The following GFER variants were observed in gnomAD, a reference collection of about 807,000 sequenced individuals.
GFER encodes the protein FAD-linked sulfhydryl oxidase ALR.
GFER carries 24 observed loss-of-function variants against 18.2 expected under a neutral mutation model. That is an observed-to-expected ratio of 1.32 (90% confidence interval 0.96 to 1.86). The LOEUF (loss-of-function observed/expected upper bound fraction) is 1.86. Among genes scored for constraint, GFER ranks in the 40% most tolerant of loss-of-function variants. The pLI is 0.00. For missense variants in GFER, 316 were observed against 295.6 expected, an observed-to-expected ratio of 1.07 and a Z score of -0.51; for synonymous variants, 138 against 126.9, an observed-to-expected ratio of 1.09 and a Z score of -0.59.
Position 1,985,866 on chromosome 16 carries a change from G to A in GFER, c.456G>A (p.Arg152=). Residue 152 remains arginine, a splice_region_variant and synonymous_variant, in exon 3 of 3, where the codon AGG becomes AGA. Coordinates refer to ENST00000248114, the MANE Select transcript of GFER (RefSeq NM_005262.3). The stretch of plus-strand genomic sequence containing the variant: ...TTCTTTACCTGCTCTCCCTACACAG[G>A]CTGTGCAGGAACCACCCAGACACCC... ...CEECAEDLRK[R]LCRNHPDTRT... 6.2e-7 allele frequency: 1 copy of A among 1,610,966 alleles called. No individual in the cohort carries two copies. The highest frequency in any genetic ancestry group is 8.5e-7 in the Non-Finnish European group (1 of 1,179,168).
At position 1,984,956 on chromosome 16, in the gene GFER, T is replaced by G; in HGVS notation, c.455+13T>G. The G allele has an allele frequency of 6.3e-7, 1 of 1,596,706 alleles. No homozygotes were observed. Among genetic ancestry groups the G allele is most frequent in the East Asian group, 2.2e-5 (1 of 44,790 alleles). On this transcript the variant is annotated intron_variant, in intron 2 of 2. Transcript: ENST00000248114. ...ACCTAAGAAAAAGGTAAGATGTGTT[T>G]GCACGCAGCAGAGCTTTGCACTGGA...
Position 1,986,123 on chromosome 16 carries a change from T to C in GFER, c.*95T>C. On this transcript the variant is annotated 3_prime_UTR_variant, in exon 3 of 3. Coordinates refer to ENST00000248114, the MANE Select transcript of GFER (RefSeq NM_005262.3). The stretch of plus-strand genomic sequence containing the variant: ...AGTGCATCACAGCCAGAGCCTGTTG[T>C]GTCTCAGTTGGGTGGTCCCCAGGAC... The C allele has an allele frequency of 7.5e-7, 1 of 1,325,442 alleles. No homozygotes were observed. The highest frequency in any genetic ancestry group is 1.1e-6 in the Non-Finnish European group (1 of 934,092). The allele number at this position is 1,325,442 out of a possible 1,614,324, so 82.1% of individuals were successfully genotyped here.
At position 1,984,232 on chromosome 16, in the gene GFER, G is replaced by A; in HGVS notation, c.14G>A (p.Gly5Asp). The change falls in exon 1 of 3, where the codon GGC (glycine) becomes GAC (aspartate). Residue 5 changes from glycine to aspartate, a missense_variant. Coordinates refer to ENST00000248114, the MANE Select transcript of GFER (RefSeq NM_005262.3). ...TGCGCGGGCAACATGGCGGCGCCCG[G>A]CGAGCGGGGCCGCTTCCACGGCGGG... The part of the protein sequence containing the change: MAAP[G>D]ERGRFHGGNL... 6.8e-7 allele frequency: 1 copy of A among 1,474,506 alleles called. No homozygotes were observed. The highest frequency in any genetic ancestry group is 8.9e-7 in the Non-Finnish European group (1 of 1,119,554). 91.3% of individuals were successfully genotyped at this position (1,474,506 alleles called of 1,614,324 possible).
At position 1,985,969 on chromosome 16, in the gene GFER, G is replaced by C; in HGVS notation, c.559G>C (p.Asp187His). ...CCGCAAGCTGGGCAAGCCTGACTTC[G>C]ACTGCTCAAAAGTGGATGAGCGCTG... ...VNRKLGKPDF[D>H]CSKVDERWRD... The change falls in exon 3 of 3, where the codon GAC becomes CAC. Residue 187 changes from aspartate (D) to histidine (H), a missense_variant. Asp to His is a moderately conservative substitution (Grantham distance 81, BLOSUM62 -1). Transcript: ENST00000248114. 6.2e-7 allele frequency: 1 copy of C among 1,613,118 alleles called. No individual in the cohort carries two copies. Among genetic ancestry groups the C allele is most frequent in the Non-Finnish European group, 8.5e-7 (1 of 1,180,012 alleles).
rs987009140 is a variant in GFER, at chr16:1,984,638, C to T, written c.259-109C>T. The T allele has an allele frequency of 3.4e-5, 47 of 1,372,970 alleles. No individual in the cohort carries two copies. In the African/African-American group the frequency reaches 6.0e-4, roughly 17 times the overall value. The allele number at this position is 1,372,970 out of a possible 1,614,324, so 85.0% of individuals were successfully genotyped here. A position where few individuals can be genotyped will look rare whatever the true frequency, so the allele number is the denominator to read the frequency against. On this transcript the variant is annotated intron_variant, in intron 1 of 2. Transcript: ENST00000248114. ...ATCCGCGCGTGGGTTGGATCGTCTG[C>T]AGGACTTTGGCCGGAGTCCAGTGGG...
At chr16:1,985,625 C>A (rs953426763) in intron 2 of GFER, among the ~76,000 whole-genome samples, 1 of 152,206 alleles carries the variant, frequency 6.6e-6, no homozygotes, top group South Asian at 2.1e-4. Context: ...TGCCTTGAGG[C>A]CTCGTTGGAG....
In GFER at chr16:1,986,430, A is replaced by C; in HGVS notation, c.*402A>C. 2.9e-6 allele frequency: 1 copy of C among 350,498 alleles called. No homozygotes were observed. The highest frequency in any genetic ancestry group is 5.6e-6 in the Non-Finnish European group (1 of 178,266). 21.7% of individuals were successfully genotyped at this position (350,498 alleles called of 1,614,324 possible). On this transcript the variant is annotated 3_prime_UTR_variant, in exon 3 of 3. Coordinates refer to ENST00000248114, the MANE Select transcript of GFER (RefSeq NM_005262.3). Reference sequence around the variant, plus strand: ...GCGGCCAGGCCATTGCCTTCCCACTATGCAGCCAGGGATGCCCCTGCCCCC... The same window carrying C: ...GCGGCCAGGCCATTGCCTTCCCACTCTGCAGCCAGGGATGCCCCTGCCCCC...
In GFER at chr16:1,986,354, C is replaced by T. The variant is rs2083567618; in HGVS notation, c.*326C>T. ...CACCGCATACCCTGGCGCCTCACTCCTCACACGGGAAGACAGCGGGCCTGG... is the reference window on the plus strand; with the variant it reads ...CACCGCATACCCTGGCGCCTCACTCTTCACACGGGAAGACAGCGGGCCTGG... On this transcript the variant is annotated 3_prime_UTR_variant, in exon 3 of 3. Transcript: ENST00000248114. 1 of 392,690 alleles carries T rather than the reference C, an allele frequency of 2.5e-6. No homozygotes were observed. Among genetic ancestry groups the T allele is most frequent in the South Asian group, 2.1e-5 (1 of 47,912 alleles). The allele number at this position is 392,690 out of a possible 1,614,324, so 24.3% of individuals were successfully genotyped here.
chr16:1,984,635 C>T, intron 1 of GFER, 112 bp from the exon 2 acceptor site: 3 of 1,372,714 alleles, frequency 2.2e-6, no homozygotes, highest in Middle Eastern at 1.8e-4. Flanking sequence ...GTTGGATCGT[C>T]TGCAGGACTT....
Position 1,986,584 on chromosome 16 carries a change from C to G in GFER, c.*556C>G, listed in dbSNP as rs2150896045. The G allele has an allele frequency of 5.1e-6, 1 of 197,294 alleles. No individual in the cohort carries two copies. The highest frequency in any genetic ancestry group is 1.2e-4 in the East Asian group (1 of 8,460). 12.2% of individuals were successfully genotyped at this position (197,294 alleles called of 1,614,324 possible). On this transcript the variant is annotated 3_prime_UTR_variant, in exon 3 of 3. Transcript: ENST00000248114. ...TACCCTCTCCCTGCCTGGCACATGC[C>G]TGCCAGCGTTGTGTCATGCCTGTCC...
rs1325319408 is a variant in GFER at position 1,984,374 on chromosome 16, C to T, written c.156C>T (p.Ala52=). 4 of 1,530,612 alleles carry T rather than the reference C, an allele frequency of 2.6e-6. No individual in the cohort carries two copies. Among genetic ancestry groups the T allele is most frequent in the Non-Finnish European group, 3.5e-6 (4 of 1,143,118 alleles). The allele number at this position is 1,530,612 out of a possible 1,614,324, so 94.8% of individuals were successfully genotyped here. A position where few individuals can be genotyped will look rare whatever the true frequency, so the allele number is the denominator to read the frequency against. Residue 52 remains alanine, a synonymous_variant, in exon 1 of 3, where the codon GCC becomes GCT. Transcript: ENST00000248114. ...RDAAASASTP[A]QAPTSDSPVA... ...CGGCCGCCTCGGCCTCGACGCCAGC[C>T]CAGGCGCCGACCTCCGATTCTCCTG...
At position 1,984,851 on chromosome 16, in the gene GFER, C is replaced by T; in HGVS notation, c.363C>T (p.Pro121=). 6.2e-7 allele frequency: 1 copy of T among 1,613,630 alleles called. No homozygotes were observed. The highest frequency in any genetic ancestry group is 8.5e-7 in the Non-Finnish European group (1 of 1,179,866). The change falls in exon 2 of 3, where the codon CCC becomes CCT. Residue 121 remains proline (P), a synonymous_variant. Coordinates refer to ENST00000248114, the MANE Select transcript of GFER (RefSeq NM_005262.3). ...HTLAAYYPDL[P]TPEQQQDMAQ... is the part of the protein sequence containing the mutation. ...TGGCCGCCTACTACCCCGACCTGCCCACCCCAGAACAGCAGCAAGACATGG... is the reference window on the plus strand; with the variant it reads ...TGGCCGCCTACTACCCCGACCTGCCTACCCCAGAACAGCAGCAAGACATGG...
intron 2 of GFER, 92 bp from the exon 3 acceptor site, chr16:1,985,774 C>A (rs1352626127): frequency 1.7e-6 from 2 of 1,191,494 alleles, no homozygotes; most frequent in Non-Finnish European, 2.5e-6. Context: ...ACAGCAGTGC[C>A]CCAGCTCTCC....
chr16:1,984,600 C>T lies in GFER; in HGVS notation c.258+124C>T. The T allele has an allele frequency of 2.2e-6, 3 of 1,368,336 alleles. No individual in the cohort carries two copies. In the South Asian group the frequency reaches 3.6e-5, roughly 16 times the overall value. 84.8% of individuals were successfully genotyped at this position (1,368,336 alleles called of 1,614,324 possible). On this transcript the variant is annotated intron_variant, in intron 1 of 2. Coordinates refer to ENST00000248114, the MANE Select transcript of GFER (RefSeq NM_005262.3). Reference sequence around the variant, plus strand: ...AACCTTGCCCCCCGGGTAGGCCCGGCCTTACAGCCTTCATCCGCGCGTGGG... The same window carrying T: ...AACCTTGCCCCCCGGGTAGGCCCGGTCTTACAGCCTTCATCCGCGCGTGGG...
At chr16:1,985,731 C>A in intron 2 of GFER, 135 bp from the exon 3 acceptor site, 1 of 856,658 alleles carries the variant, frequency 1.2e-6, no homozygotes, top group Non-Finnish European at 2.0e-6. Context: ...GTGCCTGTAC[C>A]TTGGAGCATA....
At position 1,986,360 on chromosome 16, in the gene GFER, C is replaced by T. The variant is rs146752626; in HGVS notation, c.*332C>T. On this transcript the variant is annotated 3_prime_UTR_variant, in exon 3 of 3. Coordinates refer to ENST00000248114, the MANE Select transcript of GFER (RefSeq NM_005262.3). ...ATACCCTGGCGCCTCACTCCTCACA[C>T]GGGAAGACAGCGGGCCTGGCTGGGC... 6.5e-5 allele frequency: 25 copies of T among 384,166 alleles called. No homozygotes were observed. Among genetic ancestry groups the T allele is most frequent in the Non-Finnish European group, 1.1e-4 (21 of 198,530 alleles). The allele number at this position is 384,166 out of a possible 1,614,324, so 23.8% of individuals were successfully genotyped here.
chr16:1,984,544 C>A, intron 1 of GFER, 68 bp downstream of exon 1: 1 of 1,507,630 alleles, frequency 6.6e-7, no homozygotes, highest in Non-Finnish European at 8.9e-7. Flanking sequence ...CCAGGTACCC[C>A]GGCAGAGCTT....
At chr16:1,984,991 T>A in intron 2 of GFER, 48 bp downstream of exon 2, 1 of 1,391,400 alleles carries the variant, frequency 7.2e-7, no homozygotes, top group Non-Finnish European at 1.0e-6. Flanking sequence ...AGCCTGGGCC[T>A]GGGGCTCCTG....
intron 2 of GFER, among the ~76,000 whole-genome samples, chr16:1,985,653 G>A (rs1057417238): frequency 4.6e-5 from 7 of 152,354 alleles, no homozygotes; most frequent in Middle Eastern, 3.4e-3. Context: ...AGCTGTCCAG[G>A]TGGGTGTTTG....
Sources: gnomAD v4.1 joint callset for allele counts (sites outside exome capture counted in the v4.1 genomes callset) on GRCh38, gnomAD v4.1.1 for gene constraint, MANE v1.5 for transcripts, NCBI Gene and HGNC (gene_info 2026-07-23, HGNC 2026-07-21) for gene names.